Variants in WSCD2 observed in about 807,000 individuals in gnomAD.
WSCD2 encodes the protein WSC domain sialate O sulfotransferase 2, also known as sialate:O-sulfotransferase 2.
WSCD2 carries 28 observed loss-of-function variants against 55.7 expected under a neutral mutation model. The observed-to-expected ratio is 0.50, with a 90% CI of 0.37 to 0.69. The LOEUF (loss-of-function observed/expected upper bound fraction) is 0.69. Among genes scored for constraint, WSCD2 ranks in the 30% least tolerant of loss-of-function variants. WSCD2 has a pLI of 0.00. For synonymous variants in WSCD2, 301 were observed against 301.9 expected (o/e 1.00, Z 0.03); for missense variants, 616 against 762.1 (o/e 0.81, Z 2.26).
chr12:108,209,918 A>G (rs1044125576), intron 3 of WSCD2, among the ~76,000 whole-genome samples: 1 of 151,584 alleles, frequency 6.6e-6, no homozygotes, highest in Non-Finnish European at 1.5e-5. Context: ...GGTCTCCACA[A>G]TGGGTGGGTC....
In WSCD2 at chr12:108,226,992, G is replaced by A. The variant is rs1467427742; in HGVS notation, c.807G>A (p.Glu269=). ...TTCTTCTCCCACTCCATCCCCAGGA[G>A]TACCCGCTGGCAGCTCTTGCAGGCA... ...DKCVDFCTEK[E]YPLAALAGTA... Residue 269 remains glutamate, a splice_region_variant and synonymous_variant, in exon 6 of 9, where the codon GAG becomes GAA. Transcript: ENST00000547525. 6.2e-6 allele frequency: 10 copies of A among 1,613,170 alleles called. No homozygotes were observed. Among genetic ancestry groups the A allele is most frequent in the Non-Finnish European group, 7.6e-6 (9 of 1,179,588 alleles).
intron 7 of WSCD2, among the ~76,000 whole-genome samples, chr12:108,239,258 C>T (rs141309341): frequency 2.0e-5 from 3 of 152,310 alleles, no homozygotes; most frequent in African/African-American, 7.2e-5. Flanking sequence ...TTCCCAGCAC[C>T]TGGCCCTCCC....
intron 4 of WSCD2, among the ~76,000 whole-genome samples, chr12:108,213,712 G>A (rs560721410): frequency 5.9e-5 from 9 of 152,190 alleles, no homozygotes; most frequent in Non-Finnish European, 1.3e-4. Context: ...GCCTATTGCA[G>A]GAAATGACTG....
At chr12:108,231,509 C>T (rs760966381) in intron 6 of WSCD2, among the ~76,000 whole-genome samples, 1 of 152,212 alleles carries the variant, frequency 6.6e-6, no homozygotes, top group Non-Finnish European at 1.5e-5. Flanking sequence ...CACCACATCC[C>T]AACCCATTTT....
At chr12:108,246,036 A>G (rs764362064) in intron 8 of WSCD2, among the ~76,000 whole-genome samples, 1 of 152,220 alleles carries the variant, frequency 6.6e-6, no homozygotes, top group Non-Finnish European at 1.5e-5. Context: ...TTCACTGAGC[A>G]CCTGCTGAGT....
At chr12:108,219,101 C>G (rs1415177709) in intron 4 of WSCD2, among the ~76,000 whole-genome samples, 1 of 152,148 alleles carries the variant, frequency 6.6e-6, no homozygotes, top group Non-Finnish European at 1.5e-5. Flanking sequence ...AGAAGAGGAG[C>G]CCTCTTCTCA....
Position 108,249,457 on chromosome 12 carries a change from G to T in WSCD2, c.*1114G>T, listed in dbSNP as rs1890308877. 6.6e-6 allele frequency: 1 copy of T among 152,336 alleles called. No individual in the cohort carries two copies. Among genetic ancestry groups the T allele is most frequent in the African/African-American group, 2.4e-5 (1 of 41,424 alleles). The allele number at this position is 152,336 out of a possible 1,614,324, so 9.4% of individuals were successfully genotyped here. ...AACACTGCTCTCTTGATGCTGAAATGCCAAACCGAAGGATTTCTGAGGACC... is the reference window on the plus strand; with the variant it reads ...AACACTGCTCTCTTGATGCTGAAATTCCAAACCGAAGGATTTCTGAGGACC... On this transcript the variant is annotated 3_prime_UTR_variant, in exon 9 of 9. Coordinates refer to ENST00000547525, the MANE Select transcript of WSCD2 (RefSeq NM_014653.4).
At chr12:108,208,395 A>G (rs1401516538) in intron 3 of WSCD2, among the ~76,000 whole-genome samples, 2 of 152,208 alleles carry the variant, frequency 1.3e-5, no homozygotes, top group Non-Finnish European at 2.9e-5. Flanking sequence ...AGAGACATCA[A>G]GTATAATGGG....
At chr12:108,152,426 C>T (rs1234196918) in intron 1 of WSCD2, among the ~76,000 whole-genome samples, 7 of 152,162 alleles carry the variant, frequency 4.6e-5, no homozygotes, top group South Asian at 2.1e-4. Context: ...TCCAGCCAGG[C>T]GCTGGACACA....
chr12:108,175,456 G>T (rs1037623060), intron 1 of WSCD2, among the ~76,000 whole-genome samples: 1 of 152,172 alleles, frequency 6.6e-6, no homozygotes, highest in Non-Finnish European at 1.5e-5. Context: ...GCCTCCCCTC[G>T]GTTTAATAGG....
chr12:108,146,666 G>A (rs549350771), intron 1 of WSCD2, among the ~76,000 whole-genome samples: 31 of 152,320 alleles, frequency 2.0e-4, no homozygotes, highest in African/African-American at 6.7e-4. Context: ...GGCAGCTGAG[G>A]CCCAGGCGTA....
intron 1 of WSCD2, among the ~76,000 whole-genome samples, chr12:108,191,192 AT>A (rs1469223949): frequency 6.6e-6 from 1 of 152,226 alleles, no homozygotes; most frequent in Non-Finnish European, 1.5e-5. Context: ...CCTTGCAGCT[AT>A]CCCAGAGGGA....
At chr12:108,133,320 G>A (rs2374968) in intron 1 of WSCD2, among the ~76,000 whole-genome samples, 33,819 of 152,010 alleles carry the variant, frequency 0.22, 3,921 homozygotes, top group African/African-American at 0.26. Context: ...TTTGTCTCAC[G>A]TATGAGTGAA....
intron 6 of WSCD2, among the ~76,000 whole-genome samples, chr12:108,230,411 A>G (rs2137185974): frequency 6.6e-6 from 1 of 152,274 alleles, no homozygotes; most frequent in Non-Finnish European, 1.5e-5. Flanking sequence ...ACCACAATCG[A>G]TTCTGTGGGC....
At chr12:108,143,675 A>T (rs1592877048) in intron 1 of WSCD2, among the ~76,000 whole-genome samples, 2 of 152,346 alleles carry the variant, frequency 1.3e-5, no homozygotes, top group Admixed American at 1.3e-4. Context: ...AATATAGGCC[A>T]GACAGGGGCC....
At chr12:108,155,288 A>T (rs1462313220) in intron 1 of WSCD2, among the ~76,000 whole-genome samples, 1 of 152,174 alleles carries the variant, frequency 6.6e-6, no homozygotes, top group African/African-American at 2.4e-5. Context: ...TAGGGGCATG[A>T]TTGTGGCCCC....
chr12:108,146,532 A>C (rs967110586), intron 1 of WSCD2, among the ~76,000 whole-genome samples: 1 of 152,232 alleles, frequency 6.6e-6, no homozygotes, highest in Non-Finnish European at 1.5e-5. Flanking sequence ...AAGAAAACTA[A>C]AACCTGGGGA....
At chr12:108,170,115 C>T (rs1880079036) in intron 1 of WSCD2, among the ~76,000 whole-genome samples, 1 of 152,130 alleles carries the variant, frequency 6.6e-6, no homozygotes. Flanking sequence ...GTTCTGTAGC[C>T]AAAGAAAATG....
At chr12:108,185,794 T>A (rs947006075) in intron 1 of WSCD2, among the ~76,000 whole-genome samples, 7 of 152,158 alleles carry the variant, frequency 4.6e-5, no homozygotes, top group Admixed American at 1.3e-4. Flanking sequence ...AGCAGAACCG[T>A]CCATTATCTC....
Sources: allele counts gnomAD v4.1 joint callset (sites outside exome capture counted in the v4.1 genomes callset), GRCh38; gene constraint gnomAD v4.1.1; transcripts MANE v1.5; gene names NCBI Gene and HGNC (gene_info 2026-07-23, HGNC 2026-07-21).